The following PKIB variants were observed in gnomAD, a reference collection of about 807,000 sequenced individuals.
The protein encoded by PKIB is cAMP-dependent protein kinase inhibitor beta.
PKIB carries 2 observed loss-of-function variants against 4.5 expected under a neutral mutation model. The ratio of observed to expected loss-of-function variants is 0.44; its 90% CI spans 0.18 to 1.39. The LOEUF is 1.39. Ranked by LOEUF, PKIB falls within the 40% of genes most tolerant of loss-of-function variation. PKIB has a pLI of 0.27. For missense variants in PKIB, 94 were observed against 92.6 expected (o/e 1.02, Z -0.06); for synonymous variants, 38 against 36.0 (o/e 1.06, Z -0.20).
chr6:122,537,805 G>A (rs1268571867), intron 2 of PKIB, among the ~76,000 whole-genome samples: 2 of 152,042 alleles, frequency 1.3e-5, no homozygotes, highest in African/African-American at 2.4e-5. Context: ...CAGTGTAAAA[G>A]TGTTCCTATT....
intron 3 of PKIB, among the ~76,000 whole-genome samples, chr6:122,695,770 A>G (rs1422013737): frequency 1.3e-5 from 2 of 152,180 alleles, no homozygotes; most frequent in African/African-American, 4.8e-5. Flanking sequence ...GACAGGGCTT[A>G]AATCCTAGCT....
At chr6:122,569,111 G>A (rs572049948) in intron 2 of PKIB, among the ~76,000 whole-genome samples, 1 of 152,242 alleles carries the variant, frequency 6.6e-6, no homozygotes, top group East Asian at 1.9e-4. Flanking sequence ...TAGGGCCTGT[G>A]GCTAGCCCCA....
In PKIB at chr6:122,679,967, C is replaced by T. The variant is rs189082079; in HGVS notation, c.-9+4823C>T. On this transcript the variant is annotated intron_variant, in intron 3 of 4. Coordinates refer to ENST00000368452, the MANE Select transcript of PKIB (RefSeq NM_181795.3). ...TCAGAACAGATTCTAAACCAAACCACATGTACCTTCTATTATAGCACTCTG... is the reference window on the plus strand; with the variant it reads ...TCAGAACAGATTCTAAACCAAACCATATGTACCTTCTATTATAGCACTCTG... 8.5e-5 allele frequency among the ~76,000 whole-genome samples: 13 copies of T among 152,342 alleles called. No homozygotes were observed. The East Asian group carries it at 2.5e-3, about 29-fold the overall frequency.
At chr6:122,722,391 G>T (rs923332097) in intron 4 of PKIB, among the ~76,000 whole-genome samples, 8 of 152,054 alleles carry the variant, frequency 5.3e-5, no homozygotes, top group African/African-American at 1.9e-4. Flanking sequence ...ATGATATCCT[G>T]TTAGTTTTCA....
rs376663551 is a variant in PKIB, at chr6:122,545,516, TG to T, written c.-247-40403del. On this transcript the variant is annotated intron_variant, in intron 2 of 6. Coordinates refer to the PKIB transcript ENST00000392491. ...GGGTAAATTGCGTGATGCAGGGGCT[TG>T]GTGTACAGATTATTTTGTCACCAAG... 2.3e-4 allele frequency among the ~76,000 whole-genome samples: 35 copies of T among 151,750 alleles called. 1 individual carries two copies. The highest frequency in any genetic ancestry group is 8.5e-4 in the African/African-American group (35 of 41,328).
chr6:122,491,276 T>G (rs573093462), intron 2 of PKIB, among the ~76,000 whole-genome samples: 23 of 152,358 alleles, frequency 1.5e-4, no homozygotes, highest in African/African-American at 5.5e-4. Context: ...GCATGCTCAC[T>G]TGAGGCATTC....
At chr6:122,641,582 G>A (rs907857556) in intron 2 of PKIB, among the ~76,000 whole-genome samples, 1 of 152,136 alleles carries the variant, frequency 6.6e-6, no homozygotes, top group African/African-American at 2.4e-5. Context: ...TGACTTTCTG[G>A]TGTTAAAGCC....
At chr6:122,626,613 G>A (rs991360589) in intron 1 of PKIB, among the ~76,000 whole-genome samples, 3 of 152,204 alleles carry the variant, frequency 2.0e-5, no homozygotes, top group African/African-American at 4.8e-5. Context: ...AAGAGCAAAA[G>A]GAAATGTGCA....
intron 2 of PKIB, among the ~76,000 whole-genome samples, chr6:122,507,565 G>A (rs1776447648): frequency 6.6e-6 from 1 of 151,730 alleles, no homozygotes; most frequent in Admixed American, 6.6e-5. Flanking sequence ...TTTCAAGCTG[G>A]TGGGCTCATT....
In PKIB at chr6:122,725,128, A is replaced by T; in HGVS notation, c.170A>T (p.Asp57Val). 1 of 1,602,928 alleles carries T rather than the reference A, an allele frequency of 6.2e-7. No individual in the cohort carries two copies. The highest frequency in any genetic ancestry group is 8.5e-7 in the Non-Finnish European group (1 of 1,175,672). The change falls in exon 5 of 5, where the codon GAT (aspartate) becomes GTT (valine). Residue 57 changes from aspartate (D) to valine (V), a missense_variant and splice_region_variant. Asp to Val is a radical substitution (Grantham distance 152). Transcript: ENST00000368452. ...ATATGAATGGAAATTTTTTTTTCAG[A>T]TGCAAAAGAGAAAGATGAAAAAACA... is the stretch of plus-strand genomic sequence containing the variant. ...LKLEALSVKE[D>V]AKEKDEKTTQ...
intron 3 of PKIB, among the ~76,000 whole-genome samples, chr6:122,689,617 A>G (rs1022530253): frequency 2.6e-5 from 4 of 152,170 alleles, no homozygotes; most frequent in African/African-American, 9.7e-5. Context: ...GTCAGAGAAG[A>G]TGCTTGATAT....
At chr6:122,617,626 A>G (rs577880457) in intron 1 of PKIB, among the ~76,000 whole-genome samples, 26 of 152,268 alleles carry the variant, frequency 1.7e-4, no homozygotes, top group Admixed American at 3.9e-4. Flanking sequence ...AAAACTTTTC[A>G]TATTTTCTTT....
At chr6:122,482,394 A>G (rs1380868495) in intron 2 of PKIB, 2 of 152,234 alleles carry the variant, frequency 1.3e-5, no homozygotes, top group Non-Finnish European at 1.5e-5. Context: ...GAAAGGTTAT[A>G]TTAGGGCATA....
intron 2 of PKIB, chr6:122,643,709 G>T (rs1221262468): frequency 2.6e-5 from 4 of 152,090 alleles, no homozygotes; most frequent in Admixed American, 2.0e-4. Context: ...TTTAACTATA[G>T]TCTTTAAAAA....
chr6:122,695,357 A>G (rs1228817334), intron 3 of PKIB, among the ~76,000 whole-genome samples: 1 of 152,168 alleles, frequency 6.6e-6, no homozygotes, highest in South Asian at 2.1e-4. Context: ...GTGTGTGTTC[A>G]TGGATTACAC....
At chr6:122,619,540 C>T (rs1290052085) in intron 1 of PKIB, among the ~76,000 whole-genome samples, 1 of 152,020 alleles carries the variant, frequency 6.6e-6, no homozygotes, top group Non-Finnish European at 1.5e-5. Context: ...ATAGCTGTCC[C>T]ACTGTTAGAA....
At chr6:122,689,680 C>G (rs1387431103) in intron 3 of PKIB, among the ~76,000 whole-genome samples, 2 of 152,164 alleles carry the variant, frequency 1.3e-5, no homozygotes, top group African/African-American at 4.8e-5. Flanking sequence ...AACATATGGT[C>G]TATTCTTGAG....
chr6:122,566,155 T>G (rs1172765220), intron 2 of PKIB, among the ~76,000 whole-genome samples: 2 of 152,082 alleles, frequency 1.3e-5, no homozygotes, highest in Non-Finnish European at 2.9e-5. Context: ...GTAGACAGGC[T>G]TGGGTCACCC....
At chr6:122,498,793 G>T (rs970266050) in intron 2 of PKIB, among the ~76,000 whole-genome samples, 13 of 152,068 alleles carry the variant, frequency 8.5e-5, no homozygotes, top group African/African-American at 2.9e-4. Flanking sequence ...TTCTTTAAAC[G>T]AATAAACAAG....
Sources: allele counts gnomAD v4.1 joint callset (sites outside exome capture counted in the v4.1 genomes callset), GRCh38; gene constraint gnomAD v4.1.1; transcripts MANE v1.5; gene names NCBI Gene and HGNC (gene_info 2026-07-23, HGNC 2026-07-21).